PPME1: variants seen among roughly 807,000 people sequenced by gnomAD.
PPME1 encodes testicular secretory protein Li 39.
PPME1 carries 17 observed loss-of-function variants against 56.9 expected under a neutral mutation model. That is an observed-to-expected ratio of 0.30 (90% confidence interval 0.20 to 0.45). The LOEUF (loss-of-function observed/expected upper bound fraction) is 0.45. Ranked by LOEUF, PPME1 falls within the 20% of genes least tolerant of loss-of-function variation. The pLI, the probability that PPME1 is intolerant of heterozygous loss-of-function variation, is 1.00. For synonymous variants in PPME1, 122 were observed against 156.2 expected (o/e 0.78, Z 1.63); for missense variants, 357 against 483.2 (o/e 0.74, Z 2.45).
chr11:74,240,487 G>A (rs1859328821), intron 9 of PPME1, among the ~76,000 whole-genome samples: 1 of 152,144 alleles, frequency 6.6e-6, no homozygotes, highest in Non-Finnish European at 1.5e-5. Flanking sequence ...GGATGGTTTC[G>A]ATTATAAACA....
rs942426008 is a variant in PPME1, at chr11:74,254,492, T to A, written c.*982T>A. The A allele has an allele frequency of 1.4e-4, 22 of 152,984 alleles. No homozygotes were observed. Among genetic ancestry groups the A allele is most frequent in the African/African-American group, 5.3e-4 (22 of 41,446 alleles). 9.5% of individuals were successfully genotyped at this position (152,984 alleles called of 1,614,324 possible). A position where few individuals can be genotyped will look rare whatever the true frequency, so the allele number is the denominator to read the frequency against. On this transcript the variant is annotated 3_prime_UTR_variant, in exon 14 of 14. Coordinates refer to ENST00000328257, the MANE Select transcript of PPME1 (RefSeq NM_016147.3). ...GACACAGCACTGTGGCCTGTCCCTA[T>A]TGCCCAGGCACGCCATTTCCAAGGG... is the stretch of plus-strand genomic sequence containing the variant.
chr11:74,210,492 GGAGGT>G (rs2135632997), intron 3 of PPME1, among the ~76,000 whole-genome samples: 1 of 152,280 alleles, frequency 6.6e-6, no homozygotes, highest in East Asian at 1.9e-4. Context: ...CCCTAATGTT[GGAGGT>G]GAGGCCTAAT....
At chr11:74,193,613 A>G (rs941811798) in intron 1 of PPME1, among the ~76,000 whole-genome samples, 1 of 152,158 alleles carries the variant, frequency 6.6e-6, no homozygotes, top group Non-Finnish European at 1.5e-5. Context: ...TCAGTTTGAC[A>G]TATTTAAGAC....
At chr11:74,175,008 A>T (rs1857370096) in intron 1 of PPME1, among the ~76,000 whole-genome samples, 1 of 152,240 alleles carries the variant, frequency 6.6e-6, no homozygotes, top group South Asian at 2.1e-4. Flanking sequence ...TGCCAAAAAC[A>T]GTGGTTTTGA....
rs146892001 is a variant in PPME1 at position 74,237,193 on chromosome 11, C to T, written c.710+1227C>T. On this transcript the variant is annotated intron_variant, in intron 8 of 13. Transcript: ENST00000328257. ...AAATAGTTAAATCTAGAAGCTTCAT[C>T]GGGTTCAGGTGTTTTGTTTGCAAGA... 1.0e-3 allele frequency among the ~76,000 whole-genome samples: 155 copies of T among 151,596 alleles called. 1 individual carries two copies. In the East Asian group the frequency reaches 0.022, roughly 22 times the overall value.
At chr11:74,242,873 T>C (rs1278616469) in intron 9 of PPME1, among the ~76,000 whole-genome samples, 3 of 100,366 alleles carry the variant, frequency 3.0e-5, no homozygotes, top group Non-Finnish European at 5.7e-5. Context: ...AGTGAGACTC[T>C]GTCTCAAAAA....
At chr11:74,244,194 C>G (rs775383070) in intron 9 of PPME1, among the ~76,000 whole-genome samples, 1 of 152,092 alleles carries the variant, frequency 6.6e-6, no homozygotes, top group Non-Finnish European at 1.5e-5. Context: ...GAGTTGCTTC[C>G]ACCTCTTGGC....
intron 3 of PPME1, among the ~76,000 whole-genome samples, chr11:74,206,969 C>T (rs1858344926): frequency 6.6e-6 from 1 of 152,148 alleles, no homozygotes; most frequent in African/African-American, 2.4e-5. Flanking sequence ...TTCTGTAATA[C>T]TATGAGATTA....
In PPME1 at chr11:74,239,150, G is replaced by A; in HGVS notation, c.728G>A (p.Ser243Asn). 6 of 1,613,282 alleles carry A rather than the reference G, an allele frequency of 3.7e-6. No individual in the cohort carries two copies. Among genetic ancestry groups the A allele is most frequent in the Non-Finnish European group, 5.1e-6 (6 of 1,179,576 alleles). Residue 243 changes from serine to asparagine, a missense_variant, in exon 9 of 14, where the codon AGT (serine) becomes AAT (asparagine). Transcript: ENST00000328257. The part of the protein sequence containing the change: ...GQVKQCEGIT[S>N]PEGSKSIVEG... ...AAACCTAGGTGTGAAGGAATTACAA[G>A]TCCAGAAGGCTCAAAATCTATAGTG...
At position 74,235,937 on chromosome 11, in the gene PPME1, C is replaced by T; in HGVS notation, c.681C>T (p.Ala227=). Residue 227 remains alanine (A), a synonymous_variant, in exon 8 of 14, where the codon GCC becomes GCT. Transcript: ENST00000328257. ...GCCAGATTCGAAATCTGGAGTCTGC[C>T]CGTGTCTCAATGGTTGGCCAAGTCA... ...KSGQIRNLES[A]RVSMVGQVKQ... is the part of the protein sequence containing the mutation. 6.2e-7 allele frequency: 1 copy of T among 1,612,572 alleles called. No individual in the cohort carries two copies. Among genetic ancestry groups the T allele is most frequent in the Non-Finnish European group, 8.5e-7 (1 of 1,179,428 alleles).
chr11:74,239,371 G>T lies in PPME1; in HGVS notation c.834+115G>T. The T allele has an allele frequency of 2.8e-6, 4 of 1,437,786 alleles. No homozygotes were observed. In the South Asian group the frequency reaches 6.0e-5, roughly 21 times the overall value. The allele number at this position is 1,437,786 out of a possible 1,614,324, so 89.1% of individuals were successfully genotyped here. A position where few individuals can be genotyped will look rare whatever the true frequency, so the allele number is the denominator to read the frequency against. ...TGTTTGCCATTAGGTATTTTAGGGA[G>T]CCAAGACACTATCATAAGAGATACT... is the stretch of plus-strand genomic sequence containing the variant. On this transcript the variant is annotated intron_variant, in intron 9 of 13. Transcript: ENST00000328257.
intron 3 of PPME1, among the ~76,000 whole-genome samples, chr11:74,218,949 C>A (rs1231909338): frequency 6.6e-6 from 1 of 152,008 alleles, no homozygotes; most frequent in Non-Finnish European, 1.5e-5. Flanking sequence ...GAAGAAACAA[C>A]CCACAGAATG....
intron 1 of PPME1, among the ~76,000 whole-genome samples, chr11:74,195,582 G>A (rs1454682265): frequency 6.6e-6 from 1 of 152,146 alleles, no homozygotes; most frequent in African/African-American, 2.4e-5. Flanking sequence ...TTATATGTGT[G>A]TTTTGATGCC....
At chr11:74,176,933 G>A (rs886621728) in intron 1 of PPME1, among the ~76,000 whole-genome samples, 1 of 151,638 alleles carries the variant, frequency 6.6e-6, no homozygotes, top group African/African-American at 2.4e-5. Flanking sequence ...GTTTCATTAT[G>A]TTGGCCAGGC....
intron 1 of PPME1, among the ~76,000 whole-genome samples, chr11:74,193,146 G>T (rs1857886694): frequency 6.6e-6 from 1 of 152,146 alleles, no homozygotes; most frequent in Non-Finnish European, 1.5e-5. Flanking sequence ...TGTATTAATG[G>T]TATGTTGTAT....
intron 1 of PPME1, among the ~76,000 whole-genome samples, chr11:74,193,977 G>A (rs1038771932): frequency 1.5e-4 from 23 of 151,944 alleles, no homozygotes; most frequent in Non-Finnish European, 2.6e-4. Flanking sequence ...CTTAGTCCTA[G>A]AATGAAGATT....
chr11:74,232,860 A>ATTTTTTTTTT (rs35057762), intron 7 of PPME1, among the ~76,000 whole-genome samples: 1 of 93,862 alleles, frequency 1.1e-5, no homozygotes, highest in Non-Finnish European at 2.1e-5. Flanking sequence ...TTGTTATTTG[A>ATTTTTTTTTT]TTTTTTTTTT....
chr11:74,236,021 A>G, intron 8 of PPME1, 55 bp downstream of exon 8: 5 of 1,586,146 alleles, frequency 3.2e-6, no homozygotes, highest in Middle Eastern at 3.3e-4. Flanking sequence ...TGGTGAGGGA[A>G]TTACAGATTG....
chr11:74,247,562 C>G (rs935636962), intron 11 of PPME1: 3 of 148,578 alleles, frequency 2.0e-5, no homozygotes, highest in Non-Finnish European at 2.9e-5. Flanking sequence ...AATCTCGGCT[C>G]ACTGCAACCT....
Sources: gnomAD v4.1 joint callset for allele counts (sites outside exome capture counted in the v4.1 genomes callset) on GRCh38, gnomAD v4.1.1 for gene constraint, MANE v1.5 for transcripts, NCBI Gene and HGNC (gene_info 2026-07-23, HGNC 2026-07-21) for gene names.